Variants in ZFAT observed in about 807,000 individuals in gnomAD.
The protein encoded by ZFAT is zinc finger and AT-hook domain containing, also known as zinc finger protein ZFAT.
Under a neutral mutation model 117.7 loss-of-function variants are expected in ZFAT, and 64 were observed. The ratio of observed to expected loss-of-function variants is 0.54; its 90% CI spans 0.44 to 0.67. The LOEUF (loss-of-function observed/expected upper bound fraction) is 0.67, where lower values mean the gene tolerates loss of function less well. Ranked by LOEUF, ZFAT falls within the 30% of genes least tolerant of loss-of-function variation. The pLI is 0.00. For synonymous variants in ZFAT, 679 were observed against 615.0 expected, an observed-to-expected ratio of 1.10 and a Z score of -1.54; for missense variants, 1,433 against 1,584.5, an observed-to-expected ratio of 0.90 and a Z score of 1.62.
chr8:134,530,153 T>C (rs1042570451), intron 12 of ZFAT, among the ~76,000 whole-genome samples: 3 of 152,344 alleles, frequency 2.0e-5, no homozygotes, highest in African/African-American at 7.2e-5. Context: ...CTGCACATGG[T>C]TTAAAGGAGA....
At chr8:134,657,484 T>C (rs1326368764) in intron 2 of ZFAT, 77 bp downstream of exon 2, 2 of 1,382,466 alleles carry the variant, frequency 1.4e-6, no homozygotes, top group Non-Finnish European at 1.9e-6. Flanking sequence ...TTTCTAGGCT[T>C]CTGCTATGCC....
chr8:134,528,164 G>T (rs1192826765), intron 12 of ZFAT, among the ~76,000 whole-genome samples: 1 of 152,202 alleles, frequency 6.6e-6, no homozygotes, highest in African/African-American at 2.4e-5. Flanking sequence ...AGTGGCAAAG[G>T]CACAGACGTT....
At chr8:134,646,893 T>C (rs1271332048) in intron 2 of ZFAT, among the ~76,000 whole-genome samples, 1 of 152,018 alleles carries the variant, frequency 6.6e-6, no homozygotes, top group East Asian at 1.9e-4. Flanking sequence ...GTTAGGAGAC[T>C]GAATCAGTAA....
chr8:134,504,975 G>A (rs910099033), intron 15 of ZFAT, among the ~76,000 whole-genome samples: 2 of 152,070 alleles, frequency 1.3e-5, no homozygotes, highest in East Asian at 1.9e-4. Context: ...CCAGGTACAC[G>A]GGCCCCTGGT....
chr8:134,699,683 T>C (rs1833959409), intron 1 of ZFAT, among the ~76,000 whole-genome samples: 1 of 152,196 alleles, frequency 6.6e-6, no homozygotes, highest in Non-Finnish European at 1.5e-5. Context: ...AACCTCTCTG[T>C]CCCTCCGTTT....
At chr8:134,781,639 A>G in the ZFAT span, among the ~76,000 whole-genome samples, 54,238 of 151,884 alleles carry the variant, frequency 0.36, 10,118 homozygotes, top group East Asian at 0.6. Flanking sequence ...GCACAGGTCT[A>G]CTTATATGTG....
chr8:134,503,584 T>C (rs997434378), intron 15 of ZFAT, among the ~76,000 whole-genome samples: 1 of 152,314 alleles, frequency 6.6e-6, no homozygotes, highest in South Asian at 2.1e-4. Flanking sequence ...GAGATTAACA[T>C]TTAAACTGGC....
At chr8:134,770,173 C>A in the ZFAT span, among the ~76,000 whole-genome samples, 1 of 152,166 alleles carries the variant, frequency 6.6e-6, no homozygotes, top group Non-Finnish European at 1.5e-5. Context: ...TTGAATTTCT[C>A]CTCAGAAAAT....
intron 1 of ZFAT, among the ~76,000 whole-genome samples, chr8:134,695,354 C>T (rs1833774189): frequency 6.6e-6 from 1 of 152,202 alleles, no homozygotes; most frequent in African/African-American, 2.4e-5. Flanking sequence ...GAGCCACTCC[C>T]CGGCTGCCAG....
At chr8:134,742,003 T>C in the ZFAT span, among the ~76,000 whole-genome samples, 1 of 152,134 alleles carries the variant, frequency 6.6e-6, no homozygotes, top group Admixed American at 6.5e-5. Flanking sequence ...GAACTGTGCC[T>C]CATCAGTTTC....
chr8:134,571,058 G>A (rs947716843), intron 10 of ZFAT, among the ~76,000 whole-genome samples: 7 of 152,026 alleles, frequency 4.6e-5, no homozygotes, highest in African/African-American at 9.7e-5. Flanking sequence ...GAGCATTCAC[G>A]GAGGGGCTGC....
At chr8:134,731,476 C>A in the ZFAT span, among the ~76,000 whole-genome samples, 2 of 152,194 alleles carry the variant, frequency 1.3e-5, no homozygotes, top group South Asian at 2.1e-4. Context: ...ATATGGCCTA[C>A]ATCTCAACCA....
chr8:134,793,826 T>G, the ZFAT span: 1 of 152,228 alleles, frequency 6.6e-6, no homozygotes, highest in African/African-American at 2.4e-5. Flanking sequence ...ATTTTACAAA[T>G]GAATCCAGGT....
chr8:134,577,685 A>C (rs965322524), intron 10 of ZFAT, among the ~76,000 whole-genome samples: 5 of 152,224 alleles, frequency 3.3e-5, no homozygotes, highest in African/African-American at 7.2e-5. Context: ...GTAAGTCGAA[A>C]ATCTCTGCTT....
At position 134,653,884 on chromosome 8, in the gene ZFAT, T is replaced by C. The variant is rs560761590; in HGVS notation, c.196+3677A>G. 8.5e-5 allele frequency among the ~76,000 whole-genome samples: 13 copies of C among 152,330 alleles called. No individual in the cohort carries two copies. The East Asian group carries it at 2.5e-3, about 29-fold the overall frequency. On this transcript the variant is annotated intron_variant, in intron 2 of 15. Coordinates refer to ENST00000377838, the MANE Select transcript of ZFAT (RefSeq NM_020863.4). ...AAAGCAACTAACAGTGTATTTATGT[T>C]TACATATGCAGACAAAAAGTCTGGA... is the stretch of plus-strand genomic sequence containing the variant.
chr8:134,567,896 C>G (rs1338978762), intron 10 of ZFAT, among the ~76,000 whole-genome samples: 1 of 152,356 alleles, frequency 6.6e-6, no homozygotes, highest in African/African-American at 2.4e-5. Flanking sequence ...AAATTGAACA[C>G]TCTGGTAATT....
chr8:134,478,853 T>G lies in ZFAT; in HGVS notation c.3493-132A>C. ...ACGTCCATTCTCCACGGATCCTCTC[T>G]ACCAGGCTGTGCTTGCTCTCATGCC... On this transcript the variant is annotated intron_variant, in intron 15 of 15. Transcript: ENST00000377838. The surrounding 1 kb of genome is among the most constrained non-coding windows in gnomAD (Gnocchi z 5.2). 1.8e-5 allele frequency: 24 copies of G among 1,335,702 alleles called. No individual in the cohort carries two copies. The highest frequency in any genetic ancestry group is 2.0e-5 in the Non-Finnish European group (20 of 991,074). The allele number at this position is 1,335,702 out of a possible 1,614,324, so 82.7% of individuals were successfully genotyped here.
rs186713416 is a variant in ZFAT at position 134,653,108 on chromosome 8, T to C, written c.196+4453A>G. Among the ~76,000 whole-genome samples the C allele has an allele frequency of 2.0e-3, 297 of 151,082 alleles. 1 individual carries two copies. The highest frequency in any genetic ancestry group is 3.4e-3 in the Middle Eastern group (1 of 290). ...ATTAGGACATACAAATAATACAGTA[T>C]TGTGTACTTAACATTTGCTAAAAGA... is the stretch of plus-strand genomic sequence containing the variant. On this transcript the variant is annotated intron_variant, in intron 2 of 15. Transcript: ENST00000377838.
At chr8:134,651,986 A>G (rs1390174510) in intron 2 of ZFAT, among the ~76,000 whole-genome samples, 1 of 151,978 alleles carries the variant, frequency 6.6e-6, no homozygotes, top group African/African-American at 2.4e-5. Flanking sequence ...AAAAAAGCCA[A>G]CCTACAATCC....
Sources: allele counts gnomAD v4.1 joint callset (sites outside exome capture counted in the v4.1 genomes callset), GRCh38; gene constraint gnomAD v4.1.1; non-coding constraint Gnocchi (gnomAD v3.1); transcripts MANE v1.5; gene names NCBI Gene and HGNC (gene_info 2026-07-23, HGNC 2026-07-21).